TWF2: variants seen among roughly 807,000 people sequenced by gnomAD.
TWF2 encodes twinfilin-2.
A neutral mutation model predicts 45.1 loss-of-function variants in TWF2; 15 were observed. That is an observed-to-expected ratio of 0.33 (90% CI 0.22 to 0.51). TWF2 has a LOEUF of 0.51. TWF2 is among the 20% of genes least tolerant of loss of function. TWF2 has a pLI of 0.97. For missense variants in TWF2, 423 were observed against 469.1 expected, an observed-to-expected ratio of 0.90 and a Z score of 0.91; for synonymous variants, 177 against 195.8, an observed-to-expected ratio of 0.90 and a Z score of 0.80.
chr3:52,232,222 G>A (rs1012337174), intron 2 of TWF2, 100 bp from the exon 3 acceptor site: 179 of 1,380,314 alleles, frequency 1.3e-4, no homozygotes, highest in Non-Finnish European at 1.6e-4. Context: ...GCTCAGAGCC[G>A]CCGGCTGCCC....
At chr3:52,233,596 C>T (rs1030275799) in intron 2 of TWF2, among the ~76,000 whole-genome samples, 4 of 152,210 alleles carry the variant, frequency 2.6e-5, no homozygotes, top group African/African-American at 7.2e-5. Context: ...TCATGCAGAA[C>T]TGAGATAAAA....
At chr3:52,237,568 G>C (rs1044583642) in intron 1 of TWF2, among the ~76,000 whole-genome samples, 1 of 152,200 alleles carries the variant, frequency 6.6e-6, no homozygotes, top group South Asian at 2.1e-4. Context: ...GCAGGGAAGG[G>C]GTATGGGGTG....
At position 52,228,982 on chromosome 3, in the gene TWF2, C is replaced by A. The variant is rs893902043; in HGVS notation, c.*52G>T. ...CAGGAAGGAGGATGGTGGCAGGGAG[C>A]GGAAGGTGGGCAGCCCCACAGTCCA... On this transcript the variant is annotated 3_prime_UTR_variant, in exon 9 of 9. Transcript: ENST00000305533. 4 of 1,571,316 alleles carry A rather than the reference C, an allele frequency of 2.5e-6. No homozygotes were observed. The highest frequency in any genetic ancestry group is 1.7e-6 in the Non-Finnish European group (2 of 1,157,044).
intron 6 of TWF2, among the ~76,000 whole-genome samples, 191 bp from the exon 7 acceptor site, chr3:52,230,261 C>T (rs2107300984): frequency 6.6e-6 from 1 of 152,338 alleles, no homozygotes; most frequent in East Asian, 1.9e-4. Flanking sequence ...GGCCCAGCCC[C>T]AACTCTGCCC....
chr3:52,232,565 T>G (rs1035735402), intron 2 of TWF2, among the ~76,000 whole-genome samples: 3 of 151,688 alleles, frequency 2.0e-5, no homozygotes, highest in African/African-American at 7.3e-5. Context: ...CGCAGCAGAC[T>G]CCCCTCAGGA....
chr3:52,230,744 C>T, intron 6 of TWF2, 126 bp downstream of exon 6: 4 of 1,407,638 alleles, frequency 2.8e-6, no homozygotes, highest in Non-Finnish European at 2.8e-6. Flanking sequence ...CCCACAAGCA[C>T]ATGGACGAGC....
chr3:52,229,939 GC>G lies in TWF2; in HGVS notation c.740del (p.Gly247AlafsTer7). 1.2e-6 allele frequency: 2 copies of G among 1,612,378 alleles called. No individual in the cohort carries two copies. ...ACTCACCTACAGACTCAAGGGGGTC[GC>G]CCTCATGGGTGTGCTTGTAGAGGAA... ...HFFLYKHTHE[G>X]DPLESVVFIY... On this transcript the variant is annotated frameshift_variant, in exon 7 of 9. Coordinates refer to ENST00000305533, the MANE Select transcript of TWF2 (RefSeq NM_007284.4). LOFTEE classifies it high-confidence loss of function.
At chr3:52,237,301 G>A (rs1390665068) in intron 1 of TWF2, among the ~76,000 whole-genome samples, 1 of 152,176 alleles carries the variant, frequency 6.6e-6, no homozygotes, top group African/African-American at 2.4e-5. Context: ...AATGATTCAT[G>A]AACACCCTCC....
Position 52,231,264 on chromosome 3 carries a change from A to G in TWF2, c.379-33T>C, listed in dbSNP as rs770545008. On this transcript the variant is annotated intron_variant, in intron 4 of 8. Transcript: ENST00000305533. ...GGTGGGGGTGAATGCAGAGCCATAA[A>G]TGGGCACCTGGGGATTGGCTAGAGG... The G allele has an allele frequency of 3.7e-6, 6 of 1,611,532 alleles. No individual in the cohort carries two copies. In the African/African-American group the frequency reaches 5.3e-5, roughly 14 times the overall value.
At chr3:52,231,337 C>A in intron 4 of TWF2, 106 bp from the exon 5 acceptor site, 1 of 1,567,808 alleles carries the variant, frequency 6.4e-7, no homozygotes, top group East Asian at 2.3e-5. Context: ...CCCCCAGCGC[C>A]CCCATCTTCC....
At chr3:52,231,618 A>G in intron 3 of TWF2, 79 bp from the exon 4 acceptor site, 1 of 1,467,778 alleles carries the variant, frequency 6.8e-7, no homozygotes, top group Admixed American at 2.0e-5. Context: ...CTCTGGAGGA[A>G]CTCGGTGGGC....
chr3:52,238,128 T>C (rs1699744211), intron 1 of TWF2, among the ~76,000 whole-genome samples: 5 of 152,074 alleles, frequency 3.3e-5, no homozygotes, highest in Admixed American at 3.3e-4. Flanking sequence ...TTCCTAGGGC[T>C]GGGGGCTGGG....
intron 2 of TWF2, among the ~76,000 whole-genome samples, 187 bp downstream of exon 2, chr3:52,234,842 G>A (rs1199673985): frequency 2.6e-5 from 4 of 152,210 alleles, no homozygotes; most frequent in Non-Finnish European, 5.9e-5. Context: ...CATAACAGAG[G>A]TGACAATTGC....
At chr3:52,235,199 A>C in intron 1 of TWF2, 93 bp from the exon 2 acceptor site, 1 of 1,327,236 alleles carries the variant, frequency 7.5e-7, no homozygotes, top group South Asian at 1.2e-5. Context: ...CTGGTGGCTG[A>C]GCTGGGAACC....
chr3:52,231,173 G>A lies in TWF2; in HGVS notation c.437C>T (p.Pro146Leu), dbSNP rs937079388. The change falls in exon 5 of 9, where the codon CCG (proline) becomes CTG (leucine). Residue 146 changes from proline to leucine, a missense_variant. Physicochemically the swap from Pro to Leu is moderately conservative, Grantham distance 98 (BLOSUM62 -3). Transcript: ENST00000305533. The stretch of plus-strand genomic sequence containing the variant: ...GAGCTCTCTCTCAGCCGAGGTCAGC[G>A]GGGCAGGTGCCGCACAGGACGACAG... ...KHLSSCAAPA[P>L]LTSAERELQQ... is the part of the protein sequence containing the mutation. 7 of 1,613,954 alleles carry A rather than the reference G, an allele frequency of 4.3e-6. No individual in the cohort carries two copies. The highest frequency in any genetic ancestry group is 5.9e-6 in the Non-Finnish European group (7 of 1,179,972).
At position 52,235,080 on chromosome 3, in the gene TWF2, C is replaced by T; in HGVS notation, c.52G>A (p.Ala18Thr). Residue 18 changes from alanine to threonine, a missense_variant, in exon 2 of 9, where the codon GCC becomes ACC. Transcript: ENST00000305533. ...HATEELKEFFAKARAGSVRLI... is the reference protein window; with the variant it reads ...HATEELKEFFTKARAGSVRLI... Reference sequence around the variant, plus strand: ...CGCACAGAGCCAGCCCGTGCCTTGGCAAAGAATTCCTTCAGCTCTTCCGTG... The same window carrying T: ...CGCACAGAGCCAGCCCGTGCCTTGGTAAAGAATTCCTTCAGCTCTTCCGTG... 2 of 1,613,984 alleles carry T rather than the reference C, an allele frequency of 1.2e-6. No homozygotes were observed. The highest frequency in any genetic ancestry group is 1.7e-6 in the Non-Finnish European group (2 of 1,180,026).
intron 2 of TWF2, among the ~76,000 whole-genome samples, chr3:52,232,913 G>A (rs1410849894): frequency 6.6e-6 from 1 of 152,218 alleles, no homozygotes; most frequent in African/African-American, 2.4e-5. Context: ...GGGAGGCTGA[G>A]GTGGGAGAAT....
In TWF2 at chr3:52,232,100, C is replaced by T. The variant is rs368018844; in HGVS notation, c.126G>A (p.Ser42=). ...GATCCCAGCGGCCTACTGGCTCCTG[C>T]GAGGCACCCAGCACGAGCTGCTCTG... ...IEDEQLVLGA[S]QEPVGRWDQD... Residue 42 remains serine, a synonymous_variant, in exon 3 of 9, where the codon TCG becomes TCA. Transcript: ENST00000305533. 5.0e-6 allele frequency: 8 copies of T among 1,605,286 alleles called. No individual in the cohort carries two copies. Among genetic ancestry groups the T allele is most frequent in the South Asian group, 2.2e-5 (2 of 90,330 alleles).
At chr3:52,238,952 C>A (rs761354016) in intron 1 of TWF2, 40 bp downstream of exon 1, 1 of 1,584,608 alleles carries the variant, frequency 6.3e-7, no homozygotes, top group South Asian at 1.1e-5. Flanking sequence ...TTCCGAGAGC[C>A]CAGACCGAGG....
Sources: gnomAD v4.1 joint callset for allele counts (sites outside exome capture counted in the v4.1 genomes callset) on GRCh38, gnomAD v4.1.1 for gene constraint, MANE v1.5 for transcripts, NCBI Gene and HGNC (gene_info 2026-07-23, HGNC 2026-07-21) for gene names.